The following QKI variants were observed in gnomAD, a reference collection of about 807,000 sequenced individuals.
QKI encodes the protein QKI, KH domain containing RNA binding.
QKI carries 10 observed loss-of-function variants against 39.0 expected under a neutral mutation model. The observed-to-expected ratio is 0.26, with a 90% CI of 0.16 to 0.43. QKI has a LOEUF of 0.43. Among genes scored for constraint, QKI ranks in the 20% least tolerant of loss-of-function variants. The pLI, the probability that QKI is intolerant of heterozygous loss-of-function variation, is 1.00. For synonymous variants in QKI, 204 were observed against 155.4 expected (o/e 1.31, Z -2.33); for missense variants, 218 against 428.0 (o/e 0.51, Z 4.33).
chr6:163,467,572 C>T (rs1213693184), intron 2 of QKI, among the ~76,000 whole-genome samples: 1 of 152,132 alleles, frequency 6.6e-6, no homozygotes, highest in African/African-American at 2.4e-5. Context: ...TAACATGTGC[C>T]ATGTGTGCTA....
Position 163,570,687 on chromosome 6 carries a change from C to A in QKI, c.1010-7C>A. On this transcript the variant is annotated splice_polypyrimidine_tract_variant and splice_region_variant and intron_variant, in intron 7 of 7. Transcript: ENST00000361752. Reference sequence around the variant, plus strand: ...TGTTTTGTTTTTTTTTGTTTCTAACCACCCAGCCGCCACCGGCAACTAACC... The same window carrying A: ...TGTTTTGTTTTTTTTTGTTTCTAACAACCCAGCCGCCACCGGCAACTAACC... The A allele has an allele frequency of 6.2e-7, 1 of 1,611,254 alleles. No individual in the cohort carries two copies.
At chr6:163,503,190 G>A (rs1778885470) in intron 3 of QKI, among the ~76,000 whole-genome samples, 1 of 135,056 alleles carries the variant, frequency 7.4e-6, no homozygotes, top group Non-Finnish European at 1.5e-5. Context: ...GAAATGAGAT[G>A]AGGCTGGTCT....
intron 3 of QKI, among the ~76,000 whole-genome samples, chr6:163,530,144 A>AT (rs1017749324): frequency 9.2e-5 from 14 of 152,178 alleles, no homozygotes; most frequent in Admixed American, 1.3e-4. Context: ...GTCATGAGCT[A>AT]TTTTTTTCCA....
intron 3 of QKI, among the ~76,000 whole-genome samples, chr6:163,499,992 C>T (rs538972472): frequency 1.3e-5 from 2 of 152,098 alleles, no homozygotes; most frequent in Non-Finnish European, 2.9e-5. Context: ...GAAGTTACAT[C>T]TAAACAGAGA....
At chr6:163,545,281 C>T (rs949938426) in intron 4 of QKI, among the ~76,000 whole-genome samples, 2 of 152,122 alleles carry the variant, frequency 1.3e-5, no homozygotes, top group Non-Finnish European at 2.9e-5. Flanking sequence ...TATATTCTAT[C>T]TCCACATTTT....
rs567544165 is a variant in QKI, at chr6:163,454,226, G to A, written c.143-1053G>A. 2.0e-5 allele frequency among the ~76,000 whole-genome samples: 3 copies of A among 152,074 alleles called. No individual in the cohort carries two copies. In the South Asian group the frequency reaches 6.2e-4, roughly 32 times the overall value. On this transcript the variant is annotated intron_variant, in intron 1 of 7. Coordinates refer to ENST00000361752, the MANE Select transcript of QKI (RefSeq NM_006775.3). ...AAAGGACAGGAGCCTGTCTTCTGGTGCATACTAGAAGCTTAATAATTTTTG... is the reference window on the plus strand; with the variant it reads ...AAAGGACAGGAGCCTGTCTTCTGGTACATACTAGAAGCTTAATAATTTTTG...
chr6:163,577,958 C>A lies in QKI; in HGVS notation c.*7248C>A, dbSNP rs546098227. Reference sequence around the variant, plus strand: ...TTAGAAAGCAGTTAAACTAATTGACCATCTAATAGTTGTACTATACATATG... The same window carrying A: ...TTAGAAAGCAGTTAAACTAATTGACAATCTAATAGTTGTACTATACATATG... On this transcript the variant is annotated 3_prime_UTR_variant, in exon 8 of 8. Transcript: ENST00000361752. The A allele has an allele frequency of 2.0e-5, 3 of 152,030 alleles. No homozygotes were observed. Among genetic ancestry groups the A allele is most frequent in the African/African-American group, 7.2e-5 (3 of 41,382 alleles). 9.4% of individuals were successfully genotyped at this position (152,030 alleles called of 1,614,324 possible).
intron 3 of QKI, among the ~76,000 whole-genome samples, chr6:163,527,898 C>G (rs766190630): frequency 6.6e-6 from 1 of 151,992 alleles, no homozygotes; most frequent in Non-Finnish European, 1.5e-5. Flanking sequence ...CTCACCTATT[C>G]GAAACTTTAA....
At chr6:163,415,630 C>T (rs1188727550) in intron 1 of QKI, among the ~76,000 whole-genome samples, 2 of 151,818 alleles carry the variant, frequency 1.3e-5, no homozygotes, top group Non-Finnish European at 2.9e-5. Context: ...GCCCCTCTAG[C>T]TTCGGCGGTC....
chr6:163,506,236 G>A (rs112609949), intron 3 of QKI, among the ~76,000 whole-genome samples: 3 of 152,060 alleles, frequency 2.0e-5, no homozygotes, highest in Non-Finnish European at 4.4e-5. Flanking sequence ...AGCTAATAGA[G>A]GTATCAGAGA....
At chr6:163,550,645 C>T (rs1209388664) in intron 4 of QKI, among the ~76,000 whole-genome samples, 2 of 151,828 alleles carry the variant, frequency 1.3e-5, no homozygotes, top group Admixed American at 6.6e-5. Context: ...CACCAGCCAC[C>T]CCAACAAAGA....
Position 163,563,581 on chromosome 6 carries a change from G to A in QKI, c.796G>A (p.Gly266Arg), listed in dbSNP as rs1297474053. 2 of 1,614,118 alleles carry A rather than the reference G, an allele frequency of 1.2e-6. No individual in the cohort carries two copies. The highest frequency in any genetic ancestry group is 1.3e-5 in the African/African-American group (1 of 75,034). The change falls in exon 6 of 8, where the codon GGA (glycine) becomes AGA (arginine). Residue 266 changes from glycine (G) to arginine (R), a missense_variant. Gly to Arg is a moderately radical substitution (Grantham distance 125). Coordinates refer to ENST00000361752, the MANE Select transcript of QKI (RefSeq NM_006775.3). ...AATACAGACCGCTGTCATGCCAAAC[G>A]GAACTCCTCACCCAACTGCTGCAAT... ...RQIQTAVMPN[G>R]TPHPTAAIVP...
intron 1 of QKI, among the ~76,000 whole-genome samples, chr6:163,452,940 C>G (rs936138176): frequency 2.6e-5 from 4 of 152,122 alleles, no homozygotes; most frequent in African/African-American, 9.7e-5. Context: ...GTTGGCTAGG[C>G]TGCTCTTGAA....
chr6:163,526,018 G>A (rs776310675), intron 3 of QKI, among the ~76,000 whole-genome samples: 1 of 152,052 alleles, frequency 6.6e-6, no homozygotes, highest in Non-Finnish European at 1.5e-5. Context: ...CTCATGCTGT[G>A]CTCTAAGGAG....
chr6:163,570,254 A>C (rs1347207116), intron 7 of QKI: 21 of 982,116 alleles, frequency 2.1e-5, no homozygotes, highest in Non-Finnish European at 2.4e-5. Context: ...TCCATCATTA[A>C]TAGTTGCTTT....
At chr6:163,440,965 A>G (rs1789723708) in intron 1 of QKI, among the ~76,000 whole-genome samples, 1 of 151,844 alleles carries the variant, frequency 6.6e-6, no homozygotes, top group Non-Finnish European at 1.5e-5. Flanking sequence ...TTATTTTATT[A>G]TGTTCTGAAT....
At chr6:163,561,864 T>C (rs1384802619) in intron 4 of QKI, 118 bp from the exon 5 acceptor site, 1 of 663,232 alleles carries the variant, frequency 1.5e-6, no homozygotes, top group Admixed American at 3.4e-5. Context: ...TTTTTTCCCC[T>C]TATTAAAACA....
chr6:163,478,411 A>G (rs1185039784), intron 2 of QKI, among the ~76,000 whole-genome samples: 1 of 152,226 alleles, frequency 6.6e-6, no homozygotes, highest in Non-Finnish European at 1.5e-5. Flanking sequence ...CACTGTCATG[A>G]CAAAGAGACA....
At chr6:163,501,192 A>G (rs1214955635) in intron 3 of QKI, among the ~76,000 whole-genome samples, 1 of 151,928 alleles carries the variant, frequency 6.6e-6, no homozygotes, top group Non-Finnish European at 1.5e-5. Flanking sequence ...TTCTTTGGCC[A>G]CTCAAAGTGC....
Sources: allele counts gnomAD v4.1 joint callset (sites outside exome capture counted in the v4.1 genomes callset), GRCh38; gene constraint gnomAD v4.1.1; transcripts MANE v1.5; gene names NCBI Gene and HGNC (gene_info 2026-07-23, HGNC 2026-07-21).